CPZ: variants seen among roughly 807,000 people sequenced by gnomAD.
CPZ encodes carboxypeptidase Z.
A neutral mutation model predicts 61.8 loss-of-function variants in CPZ; 103 were observed. That is an observed-to-expected ratio of 1.67 (90% CI 1.42 to 1.96). The LOEUF is 1.96. Among genes scored for constraint, CPZ ranks in the 30% most tolerant of loss-of-function variants. CPZ has a pLI of 0.00. For synonymous variants in CPZ, 551 were observed against 373.7 expected (o/e 1.47, Z -5.47); for missense variants, 1,461 against 914.9 (o/e 1.60, Z -7.70).
Position 8,619,656 on chromosome 4 carries a change from C to G in CPZ, c.*39C>G. The G allele has an allele frequency of 1.4e-6, 2 of 1,410,098 alleles. No homozygotes were observed. The highest frequency in any genetic ancestry group is 2.8e-5 in the Admixed American group (1 of 36,298). 87.3% of individuals were successfully genotyped at this position (1,410,098 alleles called of 1,614,324 possible). A position where few individuals can be genotyped will look rare whatever the true frequency, so the allele number is the denominator to read the frequency against. On this transcript the variant is annotated 3_prime_UTR_variant, in exon 11 of 11. Coordinates refer to ENST00000360986, the MANE Select transcript of CPZ (RefSeq NM_001014447.3). ...ACCCGCCAGGATGTGGAGACCGAGG[C>G]CCATCTCCGCATCCCGGGCTCCTGG...
chr4:8,599,791 C>A, intron 2 of CPZ: 2 of 453,052 alleles, frequency 4.4e-6, no homozygotes, highest in Non-Finnish European at 7.4e-6. Context: ...GGGCCTTGTC[C>A]ACATGCATTT....
chr4:8,613,181 G>C (rs1323207259), intron 8 of CPZ, among the ~76,000 whole-genome samples: 1 of 150,650 alleles, frequency 6.6e-6, no homozygotes, highest in Non-Finnish European at 1.5e-5. Context: ...CACCAGGCTG[G>C]AGCACAGTGG....
At chr4:8,613,746 T>C (rs907161502) in intron 8 of CPZ, among the ~76,000 whole-genome samples, 1 of 152,210 alleles carries the variant, frequency 6.6e-6, no homozygotes, top group Non-Finnish European at 1.5e-5. Context: ...CGACCCAGCT[T>C]GCTCTGAGGC....
chr4:8,603,803 G>A (rs1298572494), intron 3 of CPZ, 173 bp from the exon 4 acceptor site: 4 of 630,862 alleles, frequency 6.3e-6, no homozygotes, highest in East Asian at 2.7e-5. Context: ...GGTGCCGTTT[G>A]GCTTAGATAT....
rs61069089 is a variant in CPZ, at chr4:8,611,087, TTCACTCAC to T, written c.1228-922_1228-915del. The T allele has an allele frequency of 6.0e-3, 2,334 of 391,680 alleles. 44 individuals carry two copies. Among genetic ancestry groups the T allele is most frequent in the African/African-American group, 0.032 (1,514 of 47,650 alleles). The allele number at this position is 391,680 out of a possible 1,614,324, so 24.3% of individuals were successfully genotyped here. On this transcript the variant is annotated intron_variant, in intron 7 of 10. Coordinates refer to ENST00000360986, the MANE Select transcript of CPZ (RefSeq NM_001014447.3). ...ACTCATTCACTCATTCATTCGCTCA[TTCACTCAC>T]TCACTCACTCACTCACTGGGCCCTG...
chr4:8,612,585 G>A (rs1443822206), intron 8 of CPZ, among the ~76,000 whole-genome samples: 2 of 152,196 alleles, frequency 1.3e-5, no homozygotes, highest in Non-Finnish European at 2.9e-5. Flanking sequence ...AACCCGCATG[G>A]GGTGGACTGA....
rs1715049146 is a variant in CPZ at position 8,606,767 on chromosome 4, A to C, written c.937A>C (p.Arg313=). The change falls in exon 6 of 11, where the codon AGG becomes CGG. Residue 313 remains arginine, a synonymous_variant. Transcript: ENST00000360986. ...CGGCTACAACGGGTGGACGAGCGGG[A>C]GGCAGAACGCGCAGAACCTGGATCT... ...GAGYNGWTSG[R]QNAQNLDLNR... The C allele has an allele frequency of 6.2e-7, 1 of 1,613,962 alleles. No individual in the cohort carries two copies. Among genetic ancestry groups the C allele is most frequent in the Admixed American group, 1.7e-5 (1 of 60,008 alleles).
At position 8,601,397 on chromosome 4, in the gene CPZ, C is replaced by T. The variant is rs575355791; in HGVS notation, c.396C>T (p.Ala132=). The T allele has an allele frequency of 3.1e-6, 5 of 1,592,490 alleles. No individual in the cohort carries two copies. The African/African-American group carries it at 5.4e-5, about 17-fold the overall frequency. Residue 132 remains alanine (A), a synonymous_variant, in exon 3 of 11, where the codon GCC becomes GCT. Coordinates refer to ENST00000360986, the MANE Select transcript of CPZ (RefSeq NM_001014447.3). ...GCCTGCGGGAGGTCTGCCAGCCCGC[C>T]TTCGACGCCATTGACATGGCCTGGC... ...CEGLREVCQP[A]FDAIDMAWPY... is the part of the protein sequence containing the mutation.
chr4:8,614,330 C>T (rs1057374345), intron 8 of CPZ, 29 bp from the exon 9 acceptor site: 3 of 1,603,610 alleles, frequency 1.9e-6, no homozygotes, highest in Non-Finnish European at 1.7e-6. Flanking sequence ...GCTGACACCC[C>T]TGACGTCCCC....
Position 8,618,069 on chromosome 4 carries a change from G to A in CPZ, c.1504-360G>A, listed in dbSNP as rs1046402426. 10 of 302,890 alleles carry A rather than the reference G, an allele frequency of 3.3e-5. No individual in the cohort carries two copies. In the East Asian group the frequency reaches 5.1e-4, roughly 15 times the overall value. The allele number at this position is 302,890 out of a possible 1,614,324, so 18.8% of individuals were successfully genotyped here. On this transcript the variant is annotated intron_variant, in intron 9 of 10. Transcript: ENST00000360986. ...AGGAGCCTCAGCTCAGAGGGACCCA[G>A]GGAGTCCCGCTGGGGCTGGGAAGGC... is the stretch of plus-strand genomic sequence containing the variant.
At position 8,618,468 on chromosome 4, in the gene CPZ, G is replaced by T. The variant is rs138232433; in HGVS notation, c.1543G>T (p.Gly515Cys). 2.5e-6 allele frequency: 4 copies of T among 1,614,030 alleles called. No individual in the cohort carries two copies. Among genetic ancestry groups the T allele is most frequent in the Admixed American group, 1.7e-5 (1 of 60,010 alleles). ...CAAAGGTGTGGTGACAGATAAATTC[G>T]GCAAGCCAGTCAAAAACGCCCGGAT... ...GIKGVVTDKF[G>C]KPVKNARISV... Residue 515 changes from glycine to cysteine, a missense_variant, in exon 10 of 11, where the codon GGC becomes TGC. Physicochemically the swap from Gly to Cys is radical, Grantham distance 159. Coordinates refer to ENST00000360986, the MANE Select transcript of CPZ (RefSeq NM_001014447.3).
chr4:8,611,425 G>T (rs3796726), intron 7 of CPZ, among the ~76,000 whole-genome samples: 32 of 152,120 alleles, frequency 2.1e-4, no homozygotes, highest in African/African-American at 7.7e-4. Flanking sequence ...AACATGTCAA[G>T]GGTGGCAGAT....
At chr4:8,607,492 C>G (rs1256442295) in intron 7 of CPZ, 67 bp downstream of exon 7, 1 of 1,550,846 alleles carries the variant, frequency 6.4e-7, no homozygotes, top group Non-Finnish European at 8.7e-7. Flanking sequence ...GAGCTGGTGC[C>G]CCTCCAGTCC....
chr4:8,619,333 G>C lies in CPZ; in HGVS notation c.1675G>C (p.Ala559Pro), dbSNP rs112947342. The change falls in exon 11 of 11, where the codon GCC (alanine) becomes CCC (proline). Residue 559 changes from alanine to proline, a missense_variant. By Grantham distance (27) the Ala-to-Pro change is conservative. Coordinates refer to ENST00000360986, the MANE Select transcript of CPZ (RefSeq NM_001014447.3). The part of the protein sequence containing the change: ...HIVIAQAPGY[A>P]KVIKKVIIPA... ...TGTCATTGCCCAAGCCCCTGGCTACGCCAAAGTCATCAAGAAAGTCATCAT... is the reference window on the plus strand; with the variant it reads ...TGTCATTGCCCAAGCCCCTGGCTACCCCAAAGTCATCAAGAAAGTCATCAT... 4 of 1,614,082 alleles carry C rather than the reference G, an allele frequency of 2.5e-6. No individual in the cohort carries two copies. The South Asian group carries it at 3.3e-5, about 13-fold the overall frequency.
chr4:8,601,700 A>G (rs927502666), intron 3 of CPZ, among the ~76,000 whole-genome samples: 73 of 152,214 alleles, frequency 4.8e-4, no homozygotes, highest in African/African-American at 1.7e-3. Flanking sequence ...CAGATGGAGG[A>G]TCCTCTCGCT....
In CPZ at chr4:8,619,249, T is replaced by C. The variant is rs758872933; in HGVS notation, c.1604-13T>C. 1 of 1,593,536 alleles carries C rather than the reference T, an allele frequency of 6.3e-7. No individual in the cohort carries two copies. Among genetic ancestry groups the C allele is most frequent in the Admixed American group, 1.7e-5 (1 of 57,452 alleles). On this transcript the variant is annotated splice_polypyrimidine_tract_variant and intron_variant, in intron 10 of 10. Transcript: ENST00000360986. Reference sequence around the variant, plus strand: ...GTCCTCGTGAGAATCATTTTTAATCTATTTGTCCACAGCCCCAGATGGTGA... The same window carrying C: ...GTCCTCGTGAGAATCATTTTTAATCCATTTGTCCACAGCCCCAGATGGTGA...
chr4:8,605,743 C>T (rs1033210271), intron 4 of CPZ, among the ~76,000 whole-genome samples: 1 of 149,972 alleles, frequency 6.7e-6, no homozygotes, highest in African/African-American at 2.5e-5. Flanking sequence ...TTGCATGAAT[C>T]AATGATAACA....
At chr4:8,613,276 C>T (rs1033914603) in intron 8 of CPZ, among the ~76,000 whole-genome samples, 2 of 152,102 alleles carry the variant, frequency 1.3e-5, no homozygotes, top group South Asian at 2.1e-4. Flanking sequence ...GGATTACAGG[C>T]GCCCACCACC....
At position 8,619,308 on chromosome 4, in the gene CPZ, T is replaced by G; in HGVS notation, c.1650T>G (p.Ile550Met). ...GACTGCTGCCCCCAGGTATCCACATTGTCATTGCCCAAGCCCCTGGCTACG... is the reference window on the plus strand; with the variant it reads ...GACTGCTGCCCCCAGGTATCCACATGGTCATTGCCCAAGCCCCTGGCTACG... ...YWRLLPPGIH[I>M]VIAQAPGYAK... Residue 550 changes from isoleucine (I) to methionine (M), a missense_variant, in exon 11 of 11, where the codon ATT (isoleucine) becomes ATG (methionine). Coordinates refer to ENST00000360986, the MANE Select transcript of CPZ (RefSeq NM_001014447.3). 1 of 1,613,910 alleles carries G rather than the reference T, an allele frequency of 6.2e-7. No individual in the cohort carries two copies. Among genetic ancestry groups the G allele is most frequent in the Non-Finnish European group, 8.5e-7 (1 of 1,179,918 alleles).
Sources: gnomAD v4.1 joint callset for allele counts (sites outside exome capture counted in the v4.1 genomes callset) on GRCh38, gnomAD v4.1.1 for gene constraint, MANE v1.5 for transcripts, NCBI Gene and HGNC (gene_info 2026-07-23, HGNC 2026-07-21) for gene names.